The following CFAP54 variants were observed in gnomAD, a reference collection of about 807,000 sequenced individuals.
CFAP54 encodes cilia and flagella associated protein 54.
In CFAP54, 290 loss-of-function variants were observed where a neutral mutation model predicts 370.4. The observed-to-expected ratio is 0.78, with a 90% CI of 0.71 to 0.86. The LOEUF (loss-of-function observed/expected upper bound fraction) is 0.86. CFAP54 is among the 40% of genes least tolerant of loss of function. The probability of loss-of-function intolerance (pLI) is 0.00; values close to 1 mark genes in which losing one functional copy is unlikely to be tolerated. For missense variants in CFAP54, 3,399 were observed against 3,528.7 expected (o/e 0.96, Z 0.93); for synonymous variants, 1,206 against 1,236.5 (o/e 0.98, Z 0.52).
intron 67 of CFAP54, among the ~76,000 whole-genome samples, chr12:96,870,987 G>A (rs911717532): frequency 1.3e-5 from 2 of 152,192 alleles, no homozygotes; most frequent in African/African-American, 4.8e-5. Context: ...GTGCAATCAG[G>A]AAGAGGCTGA....
intron 32 of CFAP54, among the ~76,000 whole-genome samples, chr12:96,633,110 T>G (rs1053206390): frequency 1.1e-4 from 16 of 152,104 alleles, no homozygotes; most frequent in African/African-American, 2.2e-4. Context: ...TACAGTTTTT[T>G]TGTGTGTGTG....
intron 44 of CFAP54, among the ~76,000 whole-genome samples, chr12:96,691,821 TCTC>T (rs1957391602): frequency 1.3e-5 from 2 of 151,996 alleles, no homozygotes; most frequent in Non-Finnish European, 2.9e-5. Flanking sequence ...CAAGTACAGC[TCTC>T]CTCTCCTTTG....
chr12:96,744,893 G>A (rs2193190), intron 55 of CFAP54, among the ~76,000 whole-genome samples: 71,440 of 151,834 alleles, frequency 0.47, 17,229 homozygotes, highest in South Asian at 0.54. Flanking sequence ...ATTCCCCCTC[G>A]ACGTGTCCAT....
At chr12:96,516,305 G>C (rs932780959) in intron 5 of CFAP54, among the ~76,000 whole-genome samples, 1 of 139,938 alleles carries the variant, frequency 7.1e-6, no homozygotes, top group African/African-American at 2.7e-5. Flanking sequence ...GATGTGCTGA[G>C]ACCAGGGGCA....
At chr12:96,503,385 TC>T (rs1413362809) in intron 2 of CFAP54, among the ~76,000 whole-genome samples, 45 of 129,010 alleles carry the variant, frequency 3.5e-4, no homozygotes, top group Admixed American at 1.9e-3. Flanking sequence ...CCTCCTTCCT[TC>T]CTTTCCCTTC....
chr12:96,669,946 G>A (rs908876358), intron 39 of CFAP54, among the ~76,000 whole-genome samples: 7 of 152,214 alleles, frequency 4.6e-5, no homozygotes, highest in African/African-American at 1.2e-4. Flanking sequence ...AGGAAGCTGC[G>A]TCAGTCAAAA....
chr12:96,615,732 C>A (rs1396096947), intron 26 of CFAP54, among the ~76,000 whole-genome samples: 1 of 152,206 alleles, frequency 6.6e-6, no homozygotes, highest in Non-Finnish European at 1.5e-5. Context: ...CAAAAGAAGA[C>A]ATCTATGCAG....
chr12:96,776,083 C>T (rs1201120867), intron 60 of CFAP54, among the ~76,000 whole-genome samples: 1 of 151,642 alleles, frequency 6.6e-6, no homozygotes, highest in Non-Finnish European at 1.5e-5. Flanking sequence ...GAAACAAAAC[C>T]AATAAAATTA....
chr12:96,527,225 T>C, intron 8 of CFAP54, 21 bp from the exon 9 acceptor site: 1 of 1,423,486 alleles, frequency 7.0e-7, no homozygotes, highest in Non-Finnish European at 9.3e-7. Flanking sequence ...TGGACTGAAC[T>C]TTTTTTTTTC....
chr12:96,493,443 C>T (rs1954908850), intron 1 of CFAP54, among the ~76,000 whole-genome samples: 1 of 152,250 alleles, frequency 6.6e-6, no homozygotes, highest in Non-Finnish European at 1.5e-5. Flanking sequence ...TCTCTGCCTT[C>T]TCAGACTTTA....
chr12:96,705,928 G>T (rs916027205), intron 47 of CFAP54, among the ~76,000 whole-genome samples: 3 of 125,266 alleles, frequency 2.4e-5, no homozygotes, highest in Admixed American at 8.8e-5. Context: ...CATGCTTCAA[G>T]CTCTTCCAAA....
chr12:96,628,343 G>A (rs1433234973), intron 30 of CFAP54, among the ~76,000 whole-genome samples: 1 of 152,216 alleles, frequency 6.6e-6, no homozygotes, highest in African/African-American at 2.4e-5. Flanking sequence ...ATCAAGGAGT[G>A]GAGGAGTTTA....
chr12:96,742,564 T>A lies in CFAP54; in HGVS notation c.7197T>A (p.Ile2399=). ...TGGTGACTGCATTTGTTGCACAGAT[T>A]CATGGCATTGGAATTGTGAAAGGTA... ...LALVTAFVAQ[I]HGIGIVKEDD... is the part of the protein sequence containing the mutation. The change falls in exon 52 of 68, where the codon ATT becomes ATA. Residue 2399 remains isoleucine (I), a synonymous_variant. Coordinates refer to ENST00000524981, the MANE Select transcript of CFAP54 (RefSeq NM_001306084.2). The A allele has an allele frequency of 6.2e-7, 1 of 1,612,974 alleles. No homozygotes were observed. The highest frequency in any genetic ancestry group is 8.5e-7 in the Non-Finnish European group (1 of 1,179,578).
chr12:96,602,733 T>A (rs1956256850), intron 26 of CFAP54, among the ~76,000 whole-genome samples: 1 of 152,202 alleles, frequency 6.6e-6, no homozygotes, highest in Non-Finnish European at 1.5e-5. Flanking sequence ...TCTCTTTTGA[T>A]CTTTGTTGGT....
intron 39 of CFAP54, 49 bp from the exon 40 acceptor site, chr12:96,679,551 G>A: frequency 6.4e-7 from 1 of 1,557,338 alleles, no homozygotes; most frequent in South Asian, 1.2e-5. Flanking sequence ...TCTTACCTTG[G>A]CTTGGTGCAG....
At chr12:96,738,174 G>A (rs1958003573) in intron 50 of CFAP54, among the ~76,000 whole-genome samples, 1 of 152,150 alleles carries the variant, frequency 6.6e-6, no homozygotes, top group Non-Finnish European at 1.5e-5. Context: ...GCCTGTTGAT[G>A]GATTGAACAT....
chr12:96,650,288 G>A (rs566059978), intron 35 of CFAP54, among the ~76,000 whole-genome samples: 1 of 152,116 alleles, frequency 6.6e-6, no homozygotes, highest in Admixed American at 6.6e-5. Flanking sequence ...GAGGGGGGAA[G>A]CTTCTTTAGT....
At chr12:96,577,630 C>T (rs908070816) in intron 20 of CFAP54, among the ~76,000 whole-genome samples, 7 of 147,328 alleles carry the variant, frequency 4.8e-5, no homozygotes, top group Non-Finnish European at 1.1e-4. Flanking sequence ...AAGCTAAATA[C>T]ATTTCCTGAG....
chr12:96,605,230 T>C (rs1338348059), intron 26 of CFAP54, among the ~76,000 whole-genome samples: 1 of 152,240 alleles, frequency 6.6e-6, no homozygotes, highest in African/African-American at 2.4e-5. Flanking sequence ...TATCATCTTA[T>C]CAGGTTGTGA....
Sources: gnomAD v4.1 joint callset for allele counts (sites outside exome capture counted in the v4.1 genomes callset) on GRCh38, gnomAD v4.1.1 for gene constraint, MANE v1.5 for transcripts, NCBI Gene and HGNC (gene_info 2026-07-23, HGNC 2026-07-21) for gene names.